The following ATRX variants were observed in gnomAD, a reference collection of about 807,000 sequenced individuals.
ATRX encodes the protein ATRX chromatin remodeler.
Under a neutral mutation model 172.6 loss-of-function variants are expected in ATRX, and 12 were observed. The ratio of observed to expected loss-of-function variants is 0.07; its 90% confidence interval spans 0.04 to 0.11. The LOEUF (loss-of-function observed/expected upper bound fraction) is 0.11, where lower values mean the gene tolerates loss of function less well. ATRX is among the 10% of genes least tolerant of loss of function. The pLI, the probability that ATRX is intolerant of heterozygous loss-of-function variation, is 1.00. For missense variants in ATRX, 1,368 were observed against 1,767.4 expected (o/e 0.77, Z 4.05); for synonymous variants, 674 against 594.7 (o/e 1.13, Z -1.94).
chrX:77,533,198 A>G (rs1472477059), intron 30 of ATRX, among the ~76,000 whole-genome samples: 3 of 112,624 alleles, frequency 2.7e-5, no homozygotes, highest in African/African-American at 9.7e-5. Flanking sequence ...GTGTTCAACC[A>G]TTGTGGAAGA....
intron 28 of ATRX, among the ~76,000 whole-genome samples, chrX:77,563,953 C>A (rs1013978572): frequency 2.7e-5 from 3 of 110,538 alleles, no homozygotes. Flanking sequence ...GATTACCAAT[C>A]TCCAAGGGCT....
Position 77,600,512 on chromosome X carries a change from G to A in ATRX, c.5619C>T (p.Phe1873=). ...GGRGKAGAKL[F]QDFQMLSRIW... The stretch of plus-strand genomic sequence containing the variant: ...TTCTACTTAACATCTGAAAATCTTG[G>A]AAAAGCTTTGCACCTGCCTTTCCTC... The change falls in exon 23 of 35, where the codon TTC becomes TTT. Residue 1873 remains phenylalanine, a synonymous_variant. Transcript: ENST00000373344. The A allele has an allele frequency of 3.3e-6, 4 of 1,209,917 alleles. No homozygotes were observed. Among genetic ancestry groups the A allele is most frequent in the South Asian group, 1.8e-5 (1 of 56,963 alleles).
chrX:77,612,202 A>G (rs1557094410), intron 22 of ATRX, among the ~76,000 whole-genome samples: 1 of 110,907 alleles, frequency 9.0e-6, no homozygotes, highest in Non-Finnish European at 1.9e-5. Flanking sequence ...TAGGGCTCAT[A>G]AAACTGTAGA....
chrX:77,681,554 C>A lies in ATRX; in HGVS notation c.3702G>T (p.Val1234=), dbSNP rs2148566632. Residue 1234 remains valine (V), a synonymous_variant, in exon 9 of 35, where the codon GTG becomes GTT. Coordinates refer to ENST00000373344, the MANE Select transcript of ATRX (RefSeq NM_000489.6). The part of the protein sequence containing the change: ...QKIKPVTENL[V]LSSHTGFCQS... ...GGCAAAATCCAGTATGTGAAGACAG[C>A]ACTAAATTTTCAGTCACAGGCTTAA... The A allele has an allele frequency of 8.3e-7, 1 of 1,209,999 alleles. No homozygotes were observed. The highest frequency in any genetic ancestry group is 1.1e-6 in the Non-Finnish European group (1 of 894,849).
At chrX:77,632,160 G>A (rs901482422) in intron 19 of ATRX, among the ~76,000 whole-genome samples, 7 of 110,140 alleles carry the variant, frequency 6.4e-5, no homozygotes, top group African/African-American at 2.0e-4. Context: ...CACCATGCCC[G>A]GCCAAAAATT....
At chrX:77,767,877 CTCT>C (rs2076027562) in intron 1 of ATRX, among the ~76,000 whole-genome samples, 2 of 111,934 alleles carry the variant, frequency 1.8e-5, no homozygotes, top group African/African-American at 3.2e-5. Flanking sequence ...TACTGCCTTC[CTCT>C]TCTTATCTAG....
intron 10 of ATRX, chrX:77,673,833 T>C (rs1264724223): frequency 9.0e-6 from 1 of 110,817 alleles, no homozygotes; most frequent in Non-Finnish European, 1.9e-5. Flanking sequence ...ACGTCCTAAA[T>C]TTCAAAATTT....
At chrX:77,633,975 G>C (rs2068227414) in intron 17 of ATRX, 2 of 322,640 alleles carry the variant, frequency 6.2e-6, no homozygotes, top group Non-Finnish European at 1.1e-5. Flanking sequence ...TAAGTCCTAG[G>C]TCTCCACAGA....
chrX:77,782,860 G>A (rs782651435), intron 1 of ATRX, among the ~76,000 whole-genome samples: 1 of 112,011 alleles, frequency 8.9e-6, no homozygotes, highest in Non-Finnish European at 1.9e-5. Context: ...GGGCCAGAAG[G>A]GAATCTGCTG....
At chrX:77,544,247 A>G (rs2064139815) in intron 30 of ATRX, among the ~76,000 whole-genome samples, 1 of 111,183 alleles carries the variant, frequency 9.0e-6, no homozygotes. Context: ...ATATGTTCAC[A>G]ATGGGAATTT....
At chrX:77,539,403 T>C (rs1425849755) in intron 30 of ATRX, among the ~76,000 whole-genome samples, 1 of 111,221 alleles carries the variant, frequency 9.0e-6, no homozygotes, top group African/African-American at 3.3e-5. Context: ...TTGCCAAAAA[T>C]GTATGTCATA....
At chrX:77,599,112 T>TC (rs1397086441) in intron 25 of ATRX, among the ~76,000 whole-genome samples, 1 of 111,970 alleles carries the variant, frequency 8.9e-6, no homozygotes, top group African/African-American at 3.2e-5. Flanking sequence ...GCAAGCCTGC[T>TC]CAAGAATTCA....
chrX:77,513,046 A>G (rs1224898637), intron 34 of ATRX, among the ~76,000 whole-genome samples: 2 of 109,232 alleles, frequency 1.8e-5, no homozygotes, highest in African/African-American at 6.7e-5. Flanking sequence ...GGCTGGGCAC[A>G]GTGGCTCACG....
chrX:77,598,752 G>A (rs2066559319), intron 25 of ATRX, among the ~76,000 whole-genome samples: 1 of 111,735 alleles, frequency 8.9e-6, no homozygotes. Context: ...CTTACATATA[G>A]GTAAAGACAA....
intron 2 of ATRX, chrX:77,698,867 A>C (rs1557151736): frequency 2.4e-6 from 1 of 423,372 alleles, no homozygotes; most frequent in African/African-American, 2.4e-5. Context: ...TGGTATAAAA[A>C]CATTTCCTGT....
chrX:77,555,795 C>G (rs2147931834), intron 30 of ATRX, among the ~76,000 whole-genome samples: 1 of 110,338 alleles, frequency 9.1e-6, no homozygotes, highest in East Asian at 2.9e-4. Flanking sequence ...ATAGGTGCAG[C>G]AAACCACCAT....
intron 10 of ATRX, among the ~76,000 whole-genome samples, chrX:77,670,573 T>C (rs1195581280): frequency 9.5e-6 from 1 of 105,113 alleles, no homozygotes; most frequent in Non-Finnish European, 2.0e-5. Flanking sequence ...TGGCCAACAT[T>C]GCAAAACCCC....
intron 2 of ATRX, among the ~76,000 whole-genome samples, chrX:77,701,692 A>T (rs782352822): frequency 2.7e-5 from 3 of 111,004 alleles, no homozygotes; most frequent in Non-Finnish European, 5.7e-5. Context: ...TCAACTTTGC[A>T]CTACGGATTC....
intron 19 of ATRX, among the ~76,000 whole-genome samples, chrX:77,625,762 A>G (rs2067805994): frequency 9.1e-6 from 1 of 109,952 alleles, no homozygotes; most frequent in African/African-American, 3.3e-5. Context: ...GAATGCAGCA[A>G]TCAGGGAACA....
Sources: gnomAD v4.1 joint callset for allele counts (sites outside exome capture counted in the v4.1 genomes callset) on GRCh38, gnomAD v4.1.1 for gene constraint, MANE v1.5 for transcripts, NCBI Gene and HGNC (gene_info 2026-07-23, HGNC 2026-07-21) for gene names.